IL4I1: variants seen among roughly 807,000 people sequenced by gnomAD.
The protein encoded by IL4I1 is L-amino-acid oxidase.
In IL4I1, 24 loss-of-function variants were observed where a neutral mutation model predicts 29.7. That is an observed-to-expected ratio of 0.81 (90% CI 0.59 to 1.14). The LOEUF is 1.14. Among genes scored for constraint, IL4I1 ranks in the 50% most tolerant of loss-of-function variants. The probability of loss-of-function intolerance (pLI) is 0.00; values close to 1 mark genes in which losing one functional copy is unlikely to be tolerated. For missense variants in IL4I1, 686 were observed against 785.6 expected (o/e 0.87, Z 1.52); for synonymous variants, 371 against 352.5 (o/e 1.05, Z -0.59).
intron 3 of IL4I1, among the ~76,000 whole-genome samples, chr19:49,902,832 A>G (rs1450470053): frequency 2.6e-5 from 4 of 151,598 alleles, no homozygotes; most frequent in Non-Finnish European, 4.4e-5. Context: ...CTCAAAAAAA[A>G]AAGGCCAGGT....
At position 49,894,430 on chromosome 19, in the gene IL4I1, C is replaced by G; in HGVS notation, c.405G>C (p.Leu135=). 1 of 1,614,146 alleles carries G rather than the reference C, an allele frequency of 6.2e-7. No individual in the cohort carries two copies. Among genetic ancestry groups the G allele is most frequent in the Non-Finnish European group, 8.5e-7 (1 of 1,180,032 alleles). ...TCTTGTCGTACTGGGTGAACTTGGTCAGGTTGAGCCCCAGGCCCTGGCAGA... is the reference window on the plus strand; with the variant it reads ...TCTTGTCGTACTGGGTGAACTTGGTGAGGTTGAGCCCCAGGCCCTGGCAGA... ...HKLCQGLGLN[L]TKFTQYDKNT... Residue 135 remains leucine (L), a synonymous_variant, in exon 5 of 8, where the codon CTG becomes CTC. Transcript: ENST00000391826.
rs557171911 is a variant in IL4I1 at position 49,923,859 on chromosome 19, T to C, written c.-228+3835A>G. Among the ~76,000 whole-genome samples, 6 of 152,316 alleles carry C rather than the reference T, an allele frequency of 3.9e-5. No homozygotes were observed. The East Asian group carries it at 1.2e-3, about 29-fold the overall frequency. On this transcript the variant is annotated intron_variant, in intron 2 of 9. Transcript: ENST00000341114. ...CTAGGGCCCATGCTCTGACCCACGC[T>C]GCGGAAGGCAGCCGAGGCTCGGCAG... is the stretch of plus-strand genomic sequence containing the variant.
chr19:49,898,655 G>A (rs867948761), upstream of IL4I1, among the ~76,000 whole-genome samples: 1 of 152,276 alleles, frequency 6.6e-6, no homozygotes, highest in East Asian at 1.9e-4. Flanking sequence ...ATCACTTGAG[G>A]TCAGGAGTTC....
chr19:49,898,817 C>T (rs1387490463), upstream of IL4I1, among the ~76,000 whole-genome samples: 3 of 151,972 alleles, frequency 2.0e-5, no homozygotes, highest in East Asian at 5.8e-4. Flanking sequence ...TGCAGTGAGC[C>T]GAGATTGCAC....
At chr19:49,924,375 G>A (rs143276100) in intron 2 of IL4I1, among the ~76,000 whole-genome samples, 247 of 152,188 alleles carry the variant, frequency 1.6e-3, no homozygotes, top group Admixed American at 7.0e-3. Context: ...CTTGCTGTGC[G>A]GGGGTTCTCC....
At chr19:49,901,640 G>T, upstream of IL4I1, 1 of 1,520,684 alleles carries the variant, frequency 6.6e-7, no homozygotes. Context: ...GGCACTCACT[G>T]CATGGCTGCC....
chr19:49,895,541 A>T (rs1375037452), intron 3 of IL4I1, among the ~76,000 whole-genome samples: 1 of 152,186 alleles, frequency 6.6e-6, no homozygotes, highest in Admixed American at 6.5e-5. Flanking sequence ...CCTCTCCACC[A>T]ACAGGCGCCC....
chr19:49,914,159 A>G (rs1472900740), intron 2 of IL4I1, among the ~76,000 whole-genome samples: 1 of 152,204 alleles, frequency 6.6e-6, no homozygotes, highest in African/African-American at 2.4e-5. Context: ...GGCAAAAAAC[A>G]AAAAACAAAA....
chr19:49,908,973 C>T lies in IL4I1; in HGVS notation c.-227-4652G>A, dbSNP rs113473061. 7.9e-4 allele frequency: 1,265 copies of T among 1,606,906 alleles called. 10 individuals carry two copies. In the African/African-American group the frequency reaches 0.014, roughly 18 times the overall value. Reference sequence around the variant, plus strand: ...GTGCTGCTGCTGCTGGTGGTGGTGGCGGTGGCGGTGGCAGCGGTGGATGTT... The same window carrying T: ...GTGCTGCTGCTGCTGGTGGTGGTGGTGGTGGCGGTGGCAGCGGTGGATGTT... On this transcript the variant is annotated intron_variant, in intron 2 of 9. Coordinates refer to the IL4I1 transcript ENST00000341114.
At position 49,889,877 on chromosome 19, in the gene IL4I1, G is replaced by T. The variant is rs775033645; in HGVS notation, c.1497C>A (p.Arg499=). 1 of 1,602,368 alleles carries T rather than the reference G, an allele frequency of 6.2e-7. No individual in the cohort carries two copies. The highest frequency in any genetic ancestry group is 1.3e-5 in the African/African-American group (1 of 74,444). The change falls in exon 8 of 8, where the codon CGC becomes CGA. Residue 499 remains arginine (R), a synonymous_variant. Coordinates refer to ENST00000391826, the MANE Select transcript of IL4I1 (RefSeq NM_152899.2). Reference sequence around the variant, plus strand: ...TCCGGCTGTTGATCTTGATGGCGGCGCGCAGCGCCGACTTGACCGCCGTCT... The same window carrying T: ...TCCGGCTGTTGATCTTGATGGCGGCTCGCAGCGCCGACTTGACCGCCGTCT... ...WVETAVKSAL[R]AAIKINSRKG...
upstream of IL4I1, chr19:49,901,707 T>C: frequency 6.5e-7 from 1 of 1,532,846 alleles, no homozygotes; most frequent in Non-Finnish European, 8.8e-7. Context: ...ACAGAAGTCA[T>C]CGTTGGGCAT....
rs2075200292 is a variant in IL4I1 at position 49,895,817 on chromosome 19, T to C, written c.250A>G (p.Lys84Glu). The change falls in exon 3 of 8, where the codon AAG becomes GAG. Residue 84 changes from lysine to glutamate, a missense_variant and splice_region_variant. Physicochemically the swap from Lys to Glu is moderately conservative, Grantham distance 56 (BLOSUM62 1). Transcript: ENST00000391826. The part of the protein sequence containing the change: ...AAKVLSDAGH[K>E]VTILEADNRI... ...AGACTGCAAGCAGTGCTTCCCACCTTGTGTCCAGCATCGCTGAGCACCTTG... is the reference window on the plus strand; with the variant it reads ...AGACTGCAAGCAGTGCTTCCCACCTCGTGTCCAGCATCGCTGAGCACCTTG... 6.2e-7 allele frequency: 1 copy of C among 1,600,024 alleles called. No homozygotes were observed. Among genetic ancestry groups the C allele is most frequent in the Non-Finnish European group, 8.5e-7 (1 of 1,171,018 alleles).
chr19:49,890,864 C>G, intron 7 of IL4I1, 107 bp downstream of exon 7: 2 of 979,742 alleles, frequency 2.0e-6, no homozygotes, highest in Non-Finnish European at 2.9e-6. Context: ...TTAGGCCACG[C>G]CCTTCACAAC....
chr19:49,910,728 TGGGGGA>T (rs2075443195), intron 2 of IL4I1, among the ~76,000 whole-genome samples: 2 of 64,244 alleles, frequency 3.1e-5, no homozygotes, highest in African/African-American at 1.2e-4. Context: ...GGGGTGGGGG[TGGGGGA>T]GGGATAAAGA....
chr19:49,903,829 G>GGTTTTTT (rs2075291364), intron 3 of IL4I1, among the ~76,000 whole-genome samples: 1 of 91,898 alleles, frequency 1.1e-5, no homozygotes, highest in Non-Finnish European at 2.2e-5. Flanking sequence ...ATATGTGCTG[G>GGTTTTTT]GTTTTTTTTT....
Position 49,890,498 on chromosome 19 carries a change from C to T in IL4I1, c.876G>A (p.Gln292=), listed in dbSNP as rs2075118929. The T allele has an allele frequency of 1.2e-5, 19 of 1,611,320 alleles. No individual in the cohort carries two copies. The highest frequency in any genetic ancestry group is 1.6e-5 in the Non-Finnish European group (19 of 1,179,712). The part of the protein sequence containing the change: ...LLNAPVVAMT[Q]GPHDVHVQIE... ...TCTGCACGTGCACATCGTGCGGTCCCTGGGTCATCGCCACCACGGGCGCGT... is the reference window on the plus strand; with the variant it reads ...TCTGCACGTGCACATCGTGCGGTCCTTGGGTCATCGCCACCACGGGCGCGT... The change falls in exon 8 of 8, where the codon CAG becomes CAA. Residue 292 remains glutamine, a synonymous_variant. Coordinates refer to ENST00000391826, the MANE Select transcript of IL4I1 (RefSeq NM_152899.2).
chr19:49,891,161 A>C (rs1829213882), intron 6 of IL4I1, 54 bp from the exon 7 acceptor site: 13 of 1,589,814 alleles, frequency 8.2e-6, no homozygotes, highest in Middle Eastern at 1.7e-4. Flanking sequence ...CACCCCTGAG[A>C]GAGCCCCTCC....
chr19:49,895,729 G>C, intron 3 of IL4I1, 86 bp downstream of exon 3: 5 of 693,114 alleles, frequency 7.2e-6, no homozygotes, highest in African/African-American at 1.8e-5. Context: ...ACCCCCTCAA[G>C]GAGGAACGCG....
chr19:49,892,374 G>A (rs1030410756), intron 5 of IL4I1, among the ~76,000 whole-genome samples: 2 of 152,038 alleles, frequency 1.3e-5, no homozygotes, highest in Non-Finnish European at 2.9e-5. Context: ...GAGCCACTGC[G>A]TGCCAGGTAC....
Sources: gnomAD v4.1 joint callset for allele counts (sites outside exome capture counted in the v4.1 genomes callset) on GRCh38, gnomAD v4.1.1 for gene constraint, MANE v1.5 for transcripts, NCBI Gene and HGNC (gene_info 2026-07-23, HGNC 2026-07-21) for gene names.